MSRB3: variants seen among roughly 807,000 people sequenced by gnomAD.
MSRB3 encodes methionine-R-sulfoxide reductase B3.
Under a neutral mutation model 21.0 loss-of-function variants are expected in MSRB3, and 13 were observed. The observed-to-expected ratio is 0.62, with a 90% CI of 0.40 to 0.98. MSRB3 has a LOEUF of 0.98. Among genes scored for constraint, MSRB3 ranks in the 50% least tolerant of loss-of-function variants. The probability of loss-of-function intolerance (pLI) is 0.00; values close to 1 mark genes in which losing one functional copy is unlikely to be tolerated. For synonymous variants in MSRB3, 87 were observed against 88.6 expected (o/e 0.98, Z 0.10); for missense variants, 199 against 230.3 (o/e 0.86, Z 0.88).
At chr12:65,394,601 C>T (rs1391555416) in intron 5 of MSRB3, among the ~76,000 whole-genome samples, 1 of 152,192 alleles carries the variant, frequency 6.6e-6, no homozygotes, top group Non-Finnish European at 1.5e-5. Flanking sequence ...TACAGGGTCA[C>T]TATGACCCTG....
At chr12:65,434,755 T>C (rs1405698603) in intron 5 of MSRB3, among the ~76,000 whole-genome samples, 1 of 151,980 alleles carries the variant, frequency 6.6e-6, no homozygotes. Flanking sequence ...TGGAGGTTAC[T>C]ATCATGTAAA....
chr12:65,295,089 C>G (rs1461960431), intron 1 of MSRB3, among the ~76,000 whole-genome samples: 2 of 152,216 alleles, frequency 1.3e-5, no homozygotes, highest in African/African-American at 4.8e-5. Flanking sequence ...CCGCAACTGC[C>G]AAAGTGCTGA....
intron 1 of MSRB3, among the ~76,000 whole-genome samples, chr12:65,307,977 A>G (rs946693374): frequency 1.3e-5 from 2 of 152,204 alleles, no homozygotes; most frequent in African/African-American, 2.4e-5. Flanking sequence ...AGTCTTCTCC[A>G]GGGAGGGAGA....
At chr12:65,345,272 T>G (rs73119437) in intron 4 of MSRB3, among the ~76,000 whole-genome samples, 9,610 of 152,112 alleles carry the variant, frequency 0.063, 415 homozygotes, top group East Asian at 0.18. Flanking sequence ...GACCATTACA[T>G]CTACATAATG....
chr12:65,430,560 G>T (rs1881827304), intron 5 of MSRB3, among the ~76,000 whole-genome samples: 1 of 152,060 alleles, frequency 6.6e-6, no homozygotes, highest in African/African-American at 2.4e-5. Context: ...AGCCTCCTTG[G>T]TGTTGATTTT....
intron 4 of MSRB3, among the ~76,000 whole-genome samples, chr12:65,350,336 G>A (rs142923845): frequency 0.032 from 4,871 of 152,014 alleles, 269 homozygotes; most frequent in African/African-American, 0.11. Flanking sequence ...TTTGAAGTCA[G>A]GTAGTGTGAT....
At chr12:65,417,774 A>G (rs939987390) in intron 5 of MSRB3, among the ~76,000 whole-genome samples, 2 of 152,222 alleles carry the variant, frequency 1.3e-5, no homozygotes, top group African/African-American at 4.8e-5. Flanking sequence ...TTAACATAAC[A>G]TCCTTCAGGT....
At chr12:65,434,819 T>C (rs1049468603) in intron 5 of MSRB3, among the ~76,000 whole-genome samples, 7 of 151,956 alleles carry the variant, frequency 4.6e-5, no homozygotes, top group African/African-American at 1.7e-4. Context: ...TATAATTATA[T>C]CATTTGGTCT....
chr12:65,309,146 T>C (rs770567334), intron 2 of MSRB3, among the ~76,000 whole-genome samples: 3 of 152,192 alleles, frequency 2.0e-5, no homozygotes, highest in Non-Finnish European at 2.9e-5. Context: ...TACTTAACAA[T>C]GGCCAAATAA....
At chr12:65,415,541 A>G (rs138551927) in intron 5 of MSRB3, among the ~76,000 whole-genome samples, 105 of 152,212 alleles carry the variant, frequency 6.9e-4, no homozygotes, top group African/African-American at 2.4e-3. Context: ...CTGAGGCACA[A>G]GATTGAAATT....
Position 65,453,759 on chromosome 12 carries a change from T to C in MSRB3, c.324T>C (p.Ser108=). 6.2e-7 allele frequency: 1 copy of C among 1,614,162 alleles called. No individual in the cohort carries two copies. The highest frequency in any genetic ancestry group is 8.5e-7 in the Non-Finnish European group (1 of 1,180,020). The change falls in exon 6 of 7, where the codon TCT becomes TCC. Residue 108 remains serine, a synonymous_variant. Coordinates refer to ENST00000308259, the MANE Select transcript of MSRB3 (RefSeq NM_001031679.3). ...CTTCATTCCACGATGTGATCAATTC[T>C]GAGGCAATCACATTCACAGATGACT... The part of the protein sequence containing the change: ...GWPSFHDVIN[S]EAITFTDDFS...
rs1242466275 is a variant in MSRB3, at chr12:65,278,844, G to A, written c.-73G>A. On this transcript the variant is annotated 5_prime_UTR_variant, in exon 1 of 7. Coordinates refer to ENST00000308259, the MANE Select transcript of MSRB3 (RefSeq NM_001031679.3). ...CTGCCTCTGCCTCTGCCTGGCCGCG[G>A]CTCTGGGAAGTGCGCAGTCCGGTAA... 1.9e-6 allele frequency: 3 copies of A among 1,563,474 alleles called. No homozygotes were observed. Among genetic ancestry groups the A allele is most frequent in the African/African-American group, 1.4e-5 (1 of 73,574 alleles).
chr12:65,298,872 T>C (rs1012469993), intron 1 of MSRB3, among the ~76,000 whole-genome samples: 1 of 152,190 alleles, frequency 6.6e-6, no homozygotes, highest in Non-Finnish European at 1.5e-5. Flanking sequence ...CTAAAAATAG[T>C]CTTTTAGTGA....
chr12:65,303,861 T>G (rs1157418685), intron 1 of MSRB3, among the ~76,000 whole-genome samples: 1 of 151,998 alleles, frequency 6.6e-6, no homozygotes, highest in Non-Finnish European at 1.5e-5. Context: ...ATAGTAAGGA[T>G]CTGGAACGAA....
intron 4 of MSRB3, among the ~76,000 whole-genome samples, chr12:65,342,163 T>G (rs1250314935): frequency 6.6e-6 from 1 of 151,498 alleles, no homozygotes; most frequent in Non-Finnish European, 1.5e-5. Flanking sequence ...TACTAAATAT[T>G]TTACTTTTCT....
At chr12:65,430,164 G>A (rs1450950106) in intron 5 of MSRB3, among the ~76,000 whole-genome samples, 2 of 152,122 alleles carry the variant, frequency 1.3e-5, no homozygotes, top group African/African-American at 4.8e-5. Flanking sequence ...TGAAGTGGAC[G>A]ACACATTCTT....
chr12:65,364,150 GA>G (rs982025951), intron 4 of MSRB3, among the ~76,000 whole-genome samples: 17 of 152,062 alleles, frequency 1.1e-4, no homozygotes, highest in African/African-American at 4.1e-4. Flanking sequence ...CCAGTGGCAA[GA>G]AACAGAAAGA....
intron 5 of MSRB3, among the ~76,000 whole-genome samples, chr12:65,370,664 T>A (rs1265601126): frequency 6.6e-6 from 1 of 152,182 alleles, no homozygotes; most frequent in East Asian, 1.9e-4. Flanking sequence ...GTATTTATCA[T>A]GAAAATAGTT....
intron 2 of MSRB3, among the ~76,000 whole-genome samples, chr12:65,321,130 T>G (rs1874635749): frequency 6.6e-6 from 1 of 152,178 alleles, no homozygotes; most frequent in Non-Finnish European, 1.5e-5. Flanking sequence ...TCCTGAATAC[T>G]TACCACCTTC....
Sources: allele counts gnomAD v4.1 joint callset (sites outside exome capture counted in the v4.1 genomes callset), GRCh38; gene constraint gnomAD v4.1.1; transcripts MANE v1.5; gene names NCBI Gene and HGNC (gene_info 2026-07-23, HGNC 2026-07-21).